The following DEDD2 variants were observed in gnomAD, a reference collection of about 807,000 sequenced individuals.
DEDD2 encodes the protein DNA-binding death effector domain-containing protein 2.
In DEDD2, 18 loss-of-function variants were observed where a neutral mutation model predicts 28.9. The ratio of observed to expected loss-of-function variants is 0.62; its 90% confidence interval spans 0.43 to 0.92. DEDD2 has a LOEUF of 0.92. Among genes scored for constraint, DEDD2 ranks in the 40% least tolerant of loss-of-function variants. The probability of loss-of-function intolerance (pLI) is 0.00; values close to 1 mark genes in which losing one functional copy is unlikely to be tolerated. For synonymous variants in DEDD2, 211 were observed against 206.1 expected (o/e 1.02, Z -0.20); for missense variants, 411 against 463.3 (o/e 0.89, Z 1.04).
At position 42,199,246 on chromosome 19, in the gene DEDD2, ACT is replaced by A; in HGVS notation, c.*190_*191del. Reference sequence around the variant, plus strand: ...GGGGTAGGAGGAGTCTGGGAAGGAAACTCAGCTGGAAATGGTTTAGGCCTCAG... The same window carrying A: ...GGGGTAGGAGGAGTCTGGGAAGGAAACAGCTGGAAATGGTTTAGGCCTCAG... On this transcript the variant is annotated 3_prime_UTR_variant, in exon 5 of 5. Transcript: ENST00000596251. This position sits in a 1 kb window ranked among gnomAD's most constrained non-coding sequence, Gnocchi z 7.4. 1.2e-6 allele frequency: 1 copy of A among 868,318 alleles called. No individual in the cohort carries two copies. Among genetic ancestry groups the A allele is most frequent in the East Asian group, 2.8e-5 (1 of 36,136 alleles). 53.8% of individuals were successfully genotyped at this position (868,318 alleles called of 1,614,324 possible).
rs376778854 is a variant in DEDD2, at chr19:42,199,193, G to A, written c.*245C>T. Reference sequence around the variant, plus strand: ...CTTCTGAGATACAGGCCCAGCCCCCGCCTCCGGAGGCTAAGGGGGCACACC... The same window carrying A: ...CTTCTGAGATACAGGCCCAGCCCCCACCTCCGGAGGCTAAGGGGGCACACC... On this transcript the variant is annotated 3_prime_UTR_variant, in exon 5 of 5. Coordinates refer to ENST00000596251, the MANE Select transcript of DEDD2 (RefSeq NM_133328.4). This position sits in a 1 kb window ranked among gnomAD's most constrained non-coding sequence, Gnocchi z 7.4. The A allele has an allele frequency of 2.6e-5, 15 of 571,712 alleles. No homozygotes were observed. The highest frequency in any genetic ancestry group is 9.1e-5 in the East Asian group (3 of 32,940). 35.4% of individuals were successfully genotyped at this position (571,712 alleles called of 1,614,324 possible).
intron 4 of DEDD2, chr19:42,201,905 G>T (rs1401145842): frequency 5.0e-6 from 2 of 397,872 alleles, no homozygotes; most frequent in African/African-American, 2.1e-5. Flanking sequence ...GGAGAGCAGG[G>T]GGCTGGGAGG....
In DEDD2 at chr19:42,199,851, G is replaced by T; in HGVS notation, c.590-22C>A. ...ATGTCTGCAGGGGAAGGAGGGATTT[G>T]TCAGGGAGGGGGCCAACACTAGACA... On this transcript the variant is annotated intron_variant, in intron 4 of 4. Transcript: ENST00000596251. This position sits in a 1 kb window ranked among gnomAD's most constrained non-coding sequence, Gnocchi z 7.4. The T allele has an allele frequency of 6.4e-7, 1 of 1,565,332 alleles. No homozygotes were observed. The highest frequency in any genetic ancestry group is 8.7e-7 in the Non-Finnish European group (1 of 1,154,392).
intron 3 of DEDD2, among the ~76,000 whole-genome samples, chr19:42,212,624 C>T (rs2035815862): frequency 6.6e-6 from 1 of 151,906 alleles, no homozygotes; most frequent in Non-Finnish European, 1.5e-5. Flanking sequence ...ATCACCATGC[C>T]AGGCTAATTT....
chr19:42,206,589 C>G (rs1428814131), intron 4 of DEDD2, among the ~76,000 whole-genome samples: 4 of 152,234 alleles, frequency 2.6e-5, no homozygotes, highest in Non-Finnish European at 5.9e-5. Context: ...CATCCCACCT[C>G]AATGGCTGTC....
Position 42,209,797 on chromosome 19 carries a change from G to A in DEDD2, c.492C>T (p.Pro164=). 6.3e-7 allele frequency: 1 copy of A among 1,576,636 alleles called. No homozygotes were observed. The highest frequency in any genetic ancestry group is 8.6e-7 in the Non-Finnish European group (1 of 1,163,790). The change falls in exon 4 of 5, where the codon CCC becomes CCT. Residue 164 remains proline (P), a synonymous_variant. Coordinates refer to ENST00000596251, the MANE Select transcript of DEDD2 (RefSeq NM_133328.4). ...TKRQRRSRGR[P]SGGARRRRRG... is the part of the protein sequence containing the mutation. ...TCCGCCGCCGTCTGGCACCACCACT[G>A]GGCCGGCCCCGACTCCGCCGCTGCC...
At chr19:42,217,493 C>G (rs2036031573) in intron 1 of DEDD2, 139 bp downstream of exon 1, 1 of 187,998 alleles carries the variant, frequency 5.3e-6, no homozygotes, top group African/African-American at 2.4e-5. Context: ...GCGACCCAGG[C>G]AGCCCCTTTG....
chr19:42,199,454 G>C lies in DEDD2; in HGVS notation c.965C>G (p.Pro322Arg), dbSNP rs369972221. ...LLMEEEGGRR[P>R]TEAS is the part of the protein sequence containing the mutation. ...AGTCCTGGATCAGGAGGCCTCTGTC[G>C]GGCGCCGCCCCCCTTCCTCCTCCAT... Residue 322 changes from proline to arginine, a missense_variant, in exon 5 of 5, where the codon CCG (proline) becomes CGG (arginine). Coordinates refer to ENST00000596251, the MANE Select transcript of DEDD2 (RefSeq NM_133328.4). This position sits in a 1 kb window ranked among gnomAD's most constrained non-coding sequence, Gnocchi z 7.4. 6.2e-7 allele frequency: 1 copy of C among 1,606,522 alleles called. No homozygotes were observed. The highest frequency in any genetic ancestry group is 8.5e-7 in the Non-Finnish European group (1 of 1,177,340).
chr19:42,206,983 C>T (rs1442675942), intron 4 of DEDD2, among the ~76,000 whole-genome samples: 5 of 152,184 alleles, frequency 3.3e-5, no homozygotes, highest in African/African-American at 9.7e-5. Flanking sequence ...CAAGACCTAG[C>T]CAAGCCCTGG....
intron 3 of DEDD2, among the ~76,000 whole-genome samples, chr19:42,213,934 A>G (rs1294746465): frequency 6.6e-6 from 1 of 152,200 alleles, no homozygotes; most frequent in Non-Finnish European, 1.5e-5. Flanking sequence ...CTTAGGTATA[A>G]TAGTCTTAAA....
chr19:42,216,628 G>T (rs1380264187), intron 2 of DEDD2, 52 bp downstream of exon 2: 1 of 1,481,302 alleles, frequency 6.8e-7, no homozygotes. Flanking sequence ...GGCCCAGCGG[G>T]AGCCAGGCCC....
At position 42,199,689 on chromosome 19, in the gene DEDD2, G is replaced by A; in HGVS notation, c.730C>T (p.Leu244=). ...QATAVLRSRD[L]GSVVCDIKFS... ...TTGATGTCACAAACCACAGAGCCCAGGTCCCTTGAGCGCAGCACTGCGGTG... is the reference window on the plus strand; with the variant it reads ...TTGATGTCACAAACCACAGAGCCCAAGTCCCTTGAGCGCAGCACTGCGGTG... The change falls in exon 5 of 5, where the codon CTG becomes TTG. Residue 244 remains leucine, a synonymous_variant. Transcript: ENST00000596251. The surrounding 1 kb of genome is among the most constrained non-coding windows in gnomAD (Gnocchi z 7.4). 1.2e-6 allele frequency: 2 copies of A among 1,614,128 alleles called. No individual in the cohort carries two copies. Among genetic ancestry groups the A allele is most frequent in the East Asian group, 2.2e-5 (1 of 44,876 alleles).
upstream of DEDD2, among the ~76,000 whole-genome samples, chr19:42,218,755 G>A (rs1483429776): frequency 6.6e-6 from 1 of 152,252 alleles, no homozygotes. Context: ...AGAATCGGCT[G>A]CGCGCGGTAG....
Position 42,198,813 on chromosome 19 carries a change from A to G in DEDD2, c.*625T>C, listed in dbSNP as rs1272182788. Reference sequence around the variant, plus strand: ...AGTGCAAGTCTATGTTCAGCTCTGGACAGCAGGGGGGAAGGTGAGGAGAGT... The same window carrying G: ...AGTGCAAGTCTATGTTCAGCTCTGGGCAGCAGGGGGGAAGGTGAGGAGAGT... On this transcript the variant is annotated 3_prime_UTR_variant, in exon 5 of 5. Coordinates refer to ENST00000596251, the MANE Select transcript of DEDD2 (RefSeq NM_133328.4). 2 of 153,186 alleles carry G rather than the reference A, an allele frequency of 1.3e-5. No individual in the cohort carries two copies. Among genetic ancestry groups the G allele is most frequent in the African/African-American group, 2.4e-5 (1 of 41,470 alleles). 9.5% of individuals were successfully genotyped at this position (153,186 alleles called of 1,614,324 possible). A position where few individuals can be genotyped will look rare whatever the true frequency, so the allele number is the denominator to read the frequency against.
At chr19:42,210,366 A>T (rs2035707140) in intron 3 of DEDD2, among the ~76,000 whole-genome samples, 1 of 152,226 alleles carries the variant, frequency 6.6e-6, no homozygotes, top group South Asian at 2.1e-4. Context: ...GGCACCCAGC[A>T]GTAGAAATGA....
In DEDD2 at chr19:42,215,287, C is replaced by CA. The variant is rs1224955147; in HGVS notation, c.329-36_329-35insT. Reference sequence around the variant, plus strand: ...GAGAAGAACAGGAAGAAGCATTCAGCCTCCTGGCCCTAATTCCCACCCCTG... The same window carrying CA: ...GAGAAGAACAGGAAGAAGCATTCAGCACTCCTGGCCCTAATTCCCACCCCTG... On this transcript the variant is annotated intron_variant, in intron 2 of 4. Coordinates refer to ENST00000596251, the MANE Select transcript of DEDD2 (RefSeq NM_133328.4). 1.9e-6 allele frequency: 3 copies of CA among 1,608,958 alleles called. No homozygotes were observed. In the Admixed American group the frequency reaches 5.0e-5, roughly 27 times the overall value.
rs778327446 is a variant in DEDD2 at position 42,199,759 on chromosome 19, C to T, written c.660G>A (p.Arg220=). The change falls in exon 5 of 5, where the codon CGG becomes CGA. Residue 220 remains arginine (R), a synonymous_variant. Coordinates refer to ENST00000596251, the MANE Select transcript of DEDD2 (RefSeq NM_133328.4). This position sits in a 1 kb window ranked among gnomAD's most constrained non-coding sequence, Gnocchi z 7.4. ...GPALEQGVAS[R]RPQALARQLD... is the part of the protein sequence containing the mutation. Reference sequence around the variant, plus strand: ...GCTGCCGCGCCAGCGCCTGGGGCCGCCGGGATGCCACGCCCTGCTCCAAGG... The same window carrying T: ...GCTGCCGCGCCAGCGCCTGGGGCCGTCGGGATGCCACGCCCTGCTCCAAGG... 1.2e-6 allele frequency: 2 copies of T among 1,611,970 alleles called. No homozygotes were observed. Among genetic ancestry groups the T allele is most frequent in the East Asian group, 4.5e-5 (2 of 44,752 alleles).
chr19:42,210,487 G>A (rs1387639342), intron 3 of DEDD2, among the ~76,000 whole-genome samples: 3 of 151,872 alleles, frequency 2.0e-5, no homozygotes, highest in African/African-American at 7.3e-5. Flanking sequence ...TCCGCCTCCC[G>A]GGTTCAAGCA....
intron 3 of DEDD2, chr19:42,212,031 C>G (rs2035786888): frequency 7.4e-6 from 1 of 134,530 alleles, no homozygotes; most frequent in South Asian, 2.5e-4. Context: ...GAGTGAAACT[C>G]TTTCTCAATA....
Sources: gnomAD v4.1 joint callset for allele counts (sites outside exome capture counted in the v4.1 genomes callset) on GRCh38, gnomAD v4.1.1 for gene constraint, Gnocchi (gnomAD v3.1) non-coding constraint, MANE v1.5 for transcripts, NCBI Gene and HGNC (gene_info 2026-07-23, HGNC 2026-07-21) for gene names.